The following PCLO variants were observed in gnomAD, a reference collection of about 807,000 sequenced individuals.
PCLO encodes protein piccolo.
In PCLO, 82 loss-of-function variants were observed where a neutral mutation model predicts 427.5. That is an observed-to-expected ratio of 0.19 (90% confidence interval 0.16 to 0.23). PCLO has a LOEUF of 0.23. Among genes scored for constraint, PCLO ranks in the 10% least tolerant of loss-of-function variants. PCLO has a pLI of 1.00. For missense variants in PCLO, 6,239 were observed against 6,115.9 expected, an observed-to-expected ratio of 1.02 and a Z score of -0.67; for synonymous variants, 2,357 against 2,155.4, an observed-to-expected ratio of 1.09 and a Z score of -2.59.
In PCLO at chr7:83,038,276, T is replaced by A. The variant is rs529257005; in HGVS notation, c.3301-71789A>T. Among the ~76,000 whole-genome samples, 3 of 150,172 alleles carry A rather than the reference T, an allele frequency of 2.0e-5. No individual in the cohort carries two copies. In the East Asian group the frequency reaches 5.9e-4, roughly 30 times the overall value. ...ATGTACAATTTAATGGTTTTTAGTA[T>A]ATTCACAGACATGTGCAACCATCAC... On this transcript the variant is annotated intron_variant, in intron 3 of 24. Coordinates refer to ENST00000333891, the MANE Select transcript of PCLO (RefSeq NM_033026.6).
chr7:83,028,212 T>C (rs1293622378), intron 3 of PCLO, among the ~76,000 whole-genome samples: 30 of 151,624 alleles, frequency 2.0e-4, no homozygotes, highest in Admixed American at 9.9e-4. Context: ...AAAACCCCAT[T>C]GTCTCAGCCC....
At chr7:82,938,008 A>G (rs1794997129) in intron 6 of PCLO, among the ~76,000 whole-genome samples, 2 of 152,014 alleles carry the variant, frequency 1.3e-5, no homozygotes, top group Non-Finnish European at 2.9e-5. Flanking sequence ...TACTACTTGT[A>G]GATACATATC....
Position 83,162,612 on chromosome 7 carries a change from C to CCGCCGCGCTCCCTCCTCG in PCLO, c.-38_-21dup. 1 of 1,515,820 alleles carries CCGCCGCGCTCCCTCCTCG rather than the reference C, an allele frequency of 6.6e-7. No individual in the cohort carries two copies. Among genetic ancestry groups the CCGCCGCGCTCCCTCCTCG allele is most frequent in the East Asian group, 2.5e-5 (1 of 40,558 alleles). 93.9% of individuals were successfully genotyped at this position (1,515,820 alleles called of 1,614,324 possible). A position where few individuals can be genotyped will look rare whatever the true frequency, so the allele number is the denominator to read the frequency against. On this transcript the variant is annotated 5_prime_UTR_variant, in exon 1 of 25. Transcript: ENST00000333891. Reference sequence around the variant, plus strand: ...GCCCATGGCTCAGGGAGACTCGGGGCCGCCGCGCTCCCTCCTCGCGCCGCG... The same window carrying CCGCCGCGCTCCCTCCTCG: ...GCCCATGGCTCAGGGAGACTCGGGGCCGCCGCGCTCCCTCCTCGCGCCGCGCTCCCTCCTCGCGCCGCG...
chr7:83,081,444 C>A (rs1191233889), intron 3 of PCLO, among the ~76,000 whole-genome samples: 1 of 151,784 alleles, frequency 6.6e-6, no homozygotes, highest in Non-Finnish European at 1.5e-5. Flanking sequence ...CACCATGGTG[C>A]CACATAATCT....
In PCLO at chr7:82,956,568, G is replaced by C; in HGVS notation, c.4385C>G (p.Thr1462Ser). 1 of 1,612,484 alleles carries C rather than the reference G, an allele frequency of 6.2e-7. No homozygotes were observed. The highest frequency in any genetic ancestry group is 8.5e-7 in the Non-Finnish European group (1 of 1,179,414). ...TQSLSETLEI[T>S]ISEEEIKESQ... ...CTCTTTGATCTCCTCTTCTGAAATA[G>C]TAATTTCCAAGGTTTCAGATAAACT... Residue 1462 changes from threonine (T) to serine (S), a missense_variant, in exon 5 of 25, where the codon ACT becomes AGT. By Grantham distance (58) the Thr-to-Ser change is moderately conservative. This residue lies in a region of PCLO where 4,677 missense variants were observed against 4,468.4 expected (regional missense o/e 1.05). Coordinates refer to ENST00000333891, the MANE Select transcript of PCLO (RefSeq NM_033026.6).
rs1792136600 is a variant in PCLO, at chr7:82,833,088, C to T, written c.14249+2579G>A. ...AATATTCAGTGATCCTTAGAACATG[C>T]TTGTATTTTGTTTTCCTTTAAAATC... On this transcript the variant is annotated intron_variant, in intron 16 of 24. Transcript: ENST00000333891. 2.6e-5 allele frequency among the ~76,000 whole-genome samples: 4 copies of T among 152,180 alleles called. No homozygotes were observed. In the South Asian group the frequency reaches 8.3e-4, roughly 32 times the overall value.
intron 3 of PCLO, among the ~76,000 whole-genome samples, chr7:83,024,254 T>C (rs1788422332): frequency 6.6e-6 from 1 of 152,124 alleles, no homozygotes; most frequent in African/African-American, 2.4e-5. Context: ...GCGCGCACCA[T>C]GCGCGAGCCG....
Position 83,008,612 on chromosome 7 carries a change from C to A in PCLO, c.3301-42125G>T, listed in dbSNP as rs1008330735. Among the ~76,000 whole-genome samples the A allele has an allele frequency of 7.9e-5, 12 of 151,680 alleles. 2 individuals are homozygous for A. In the South Asian group the frequency reaches 2.3e-3, roughly 29 times the overall value. Reference sequence around the variant, plus strand: ...AATACCAACATCTAATGTTTCCTATCGTGGATTCCTGAAAAGGCTAAGAAT... The same window carrying A: ...AATACCAACATCTAATGTTTCCTATAGTGGATTCCTGAAAAGGCTAAGAAT... On this transcript the variant is annotated intron_variant, in intron 3 of 24. Transcript: ENST00000333891.
rs1221371121 is a variant in PCLO at position 82,914,703 on chromosome 7, G to T, written c.13283C>A (p.Ala4428Asp). 1 of 1,612,942 alleles carries T rather than the reference G, an allele frequency of 6.2e-7. No homozygotes were observed. ...CAATTTACCTTCACTGTCTGACATG[G>T]CATGTTGGAAGTCATCCATGATGAA... ...IAFIMDDFQH[A>D]MSDSEAYHLR... Residue 4428 changes from alanine to aspartate, a missense_variant, in exon 7 of 25, where the codon GCC becomes GAC. Physicochemically the swap from Ala to Asp is moderately radical, Grantham distance 126. Transcript: ENST00000333891.
At chr7:82,796,074 A>T (rs1354109607) in intron 22 of PCLO, among the ~76,000 whole-genome samples, 1 of 152,196 alleles carries the variant, frequency 6.6e-6, no homozygotes, top group Non-Finnish European at 1.5e-5. Flanking sequence ...CAATGCTTTG[A>T]TGTGTGCTAA....
At chr7:83,152,648 A>G (rs1198612528) in intron 2 of PCLO, among the ~76,000 whole-genome samples, 1 of 151,838 alleles carries the variant, frequency 6.6e-6, no homozygotes, top group African/African-American at 2.4e-5. Flanking sequence ...AAATCATTAC[A>G]CTCTTTCATG....
chr7:83,009,367 G>A (rs1357669943), intron 3 of PCLO, among the ~76,000 whole-genome samples: 1 of 151,828 alleles, frequency 6.6e-6, no homozygotes, highest in Admixed American at 6.6e-5. Context: ...ACAGCCTGAA[G>A]TCAGTGTGTT....
intron 6 of PCLO, among the ~76,000 whole-genome samples, chr7:82,944,724 T>A (rs1426445384): frequency 6.6e-6 from 1 of 152,214 alleles, no homozygotes; most frequent in Non-Finnish European, 1.5e-5. Flanking sequence ...TAAAGCTCTT[T>A]AATGATAGTT....
intron 3 of PCLO, among the ~76,000 whole-genome samples, chr7:83,120,369 CCAGCTTGGGTGTTGGAGTG>C (rs1791243840): frequency 1.4e-5 from 2 of 142,208 alleles, no homozygotes; most frequent in African/African-American, 5.4e-5. Flanking sequence ...TCACTGCACT[CCAGCTTGGGTGTTGGAGTG>C]AGACTCTGCC....
At chr7:83,041,173 T>C (rs942438208) in intron 3 of PCLO, among the ~76,000 whole-genome samples, 11 of 152,234 alleles carry the variant, frequency 7.2e-5, no homozygotes, top group African/African-American at 1.7e-4. Context: ...AAAAATAAAG[T>C]GTATCCTTTA....
At chr7:82,957,213 C>T (rs903309657) in intron 4 of PCLO, among the ~76,000 whole-genome samples, 1 of 152,040 alleles carries the variant, frequency 6.6e-6, no homozygotes, top group African/African-American at 2.4e-5. Context: ...ATGTCATTTT[C>T]CCTCAAAAAT....
chr7:83,040,294 C>T (rs1788940596), intron 3 of PCLO, among the ~76,000 whole-genome samples: 1 of 152,004 alleles, frequency 6.6e-6, no homozygotes, highest in Non-Finnish European at 1.5e-5. Flanking sequence ...CAATGTGAAA[C>T]CTCAGATGTT....
chr7:82,779,928 A>G (rs1790836933), intron 22 of PCLO, among the ~76,000 whole-genome samples: 1 of 152,128 alleles, frequency 6.6e-6, no homozygotes, highest in South Asian at 2.1e-4. Flanking sequence ...TTTACATCAC[A>G]GGGTTCTTGC....
At chr7:82,779,724 ATTTT>A (rs59284675) in intron 22 of PCLO, among the ~76,000 whole-genome samples, 5 of 131,070 alleles carry the variant, frequency 3.8e-5, no homozygotes, top group African/African-American at 1.4e-4. Context: ...TTTGCTCTAT[ATTTT>A]TTTTTCTTTC....
Sources: allele counts gnomAD v4.1 joint callset (sites outside exome capture counted in the v4.1 genomes callset), GRCh38; gene constraint gnomAD v4.1.1; regional missense constraint gnomAD v4.1.1; transcripts MANE v1.5; gene names NCBI Gene and HGNC (gene_info 2026-07-23, HGNC 2026-07-21).